Variants in OLFM2 observed in about 807,000 individuals in gnomAD.
OLFM2 encodes the protein noelin-2.
In OLFM2, 20 loss-of-function variants were observed where a neutral mutation model predicts 43.9. The observed-to-expected ratio is 0.46, with a 90% confidence interval of 0.32 to 0.66. The LOEUF is 0.66. Among genes scored for constraint, OLFM2 ranks in the 30% least tolerant of loss-of-function variants. The pLI is 0.04. For synonymous variants in OLFM2, 268 were observed against 278.6 expected (o/e 0.96, Z 0.38); for missense variants, 416 against 643.6 (o/e 0.65, Z 3.83).
intron 1 of OLFM2, among the ~76,000 whole-genome samples, chr19:9,913,987 A>T: frequency 9.1e-6 from 1 of 109,516 alleles, no homozygotes; most frequent in Admixed American, 9.9e-5. Context: ...CCCGCCGAGG[A>T]CCTCTCCATG....
At chr19:9,931,215 T>C (rs1009450661) in intron 1 of OLFM2, among the ~76,000 whole-genome samples, 10 of 152,138 alleles carry the variant, frequency 6.6e-5, no homozygotes, top group Non-Finnish European at 1.5e-4. Flanking sequence ...GCCCTATCGG[T>C]GGAATGTCAG....
chr19:9,921,440 G>A (rs2086419185), intron 1 of OLFM2, among the ~76,000 whole-genome samples: 1 of 151,606 alleles, frequency 6.6e-6, no homozygotes. Flanking sequence ...TTTAAAATAG[G>A]ACACTAATAA....
At chr19:9,910,793 G>A (rs1433939479) in intron 1 of OLFM2, among the ~76,000 whole-genome samples, 2 of 152,116 alleles carry the variant, frequency 1.3e-5, no homozygotes, top group Non-Finnish European at 2.9e-5. Flanking sequence ...AAAGAGATGG[G>A]TGGAAGGATA....
At chr19:9,866,322 AAAGTC>A (rs763699746) in intron 1 of OLFM2, among the ~76,000 whole-genome samples, 6 of 152,122 alleles carry the variant, frequency 3.9e-5, no homozygotes, top group Non-Finnish European at 2.9e-5. Flanking sequence ...GCTTGGAAAC[AAAGTC>A]AAGAGTTCTT....
At chr19:9,876,767 T>C (rs527470883) in intron 1 of OLFM2, among the ~76,000 whole-genome samples, 1 of 152,298 alleles carries the variant, frequency 6.6e-6, no homozygotes, top group African/African-American at 2.4e-5. Context: ...TAGCTAAGAA[T>C]AGTACTGATG....
intron 1 of OLFM2, among the ~76,000 whole-genome samples, chr19:9,890,354 T>C (rs2046627922): frequency 6.6e-6 from 1 of 151,860 alleles, no homozygotes. Flanking sequence ...TATCTGAAGC[T>C]AAGGGAAGAC....
intron 1 of OLFM2, chr19:9,913,396 G>A: frequency 2.5e-6 from 2 of 785,810 alleles, no homozygotes; most frequent in Non-Finnish European, 3.2e-6. Flanking sequence ...GGGGACAGGT[G>A]GGGGCCCCGG....
intron 1 of OLFM2, among the ~76,000 whole-genome samples, chr19:9,886,664 C>G (rs562920941): frequency 6.6e-6 from 1 of 152,260 alleles, no homozygotes; most frequent in South Asian, 2.1e-4. Flanking sequence ...ATGTGCAGCC[C>G]CTGTCATGCT....
chr19:9,936,173 A>T (rs919715185), intron 1 of OLFM2, 131 bp downstream of exon 1: 1 of 763,504 alleles, frequency 1.3e-6, no homozygotes, highest in Non-Finnish European at 1.8e-6. Flanking sequence ...CCCCGCTGCG[A>T]CCCCCGCCCC....
Position 9,856,771 on chromosome 19 carries a change from C to T in OLFM2, c.687+36G>A. ...GGGCAGTCAAAGGCTCTGTCCCTCC[C>T]AGGCCCTGACCCCAGGGGTGGGCGC... On this transcript the variant is annotated intron_variant, in intron 5 of 5. Transcript: ENST00000264833. The surrounding 1 kb of genome is among the most constrained non-coding windows in gnomAD (Gnocchi z 4.0). 1 of 1,556,694 alleles carries T rather than the reference C, an allele frequency of 6.4e-7. No homozygotes were observed. The highest frequency in any genetic ancestry group is 8.8e-7 in the Non-Finnish European group (1 of 1,134,342).
At chr19:9,865,441 A>ATG (rs2046393332) in intron 1 of OLFM2, among the ~76,000 whole-genome samples, 1 of 143,214 alleles carries the variant, frequency 7.0e-6, no homozygotes, top group African/African-American at 2.6e-5. Context: ...CTCCCAAAGC[A>ATG]CTGGGATTAC....
At chr19:9,933,080 G>C (rs1386840320) in intron 1 of OLFM2, among the ~76,000 whole-genome samples, 1 of 151,918 alleles carries the variant, frequency 6.6e-6, no homozygotes, top group Non-Finnish European at 1.5e-5. Context: ...CTTACCCCAG[G>C]GCCTTTGCAC....
intron 1 of OLFM2, 54 bp downstream of exon 1, chr19:9,936,250 C>T (rs1380643292): frequency 1.3e-5 from 19 of 1,514,576 alleles, no homozygotes; most frequent in African/African-American, 9.7e-5. Context: ...ACCCTCCGCG[C>T]CCCCCTCCTC....
At chr19:9,908,367 C>T (rs1359859924) in intron 1 of OLFM2, among the ~76,000 whole-genome samples, 2 of 150,536 alleles carry the variant, frequency 1.3e-5, no homozygotes, top group African/African-American at 4.9e-5. Flanking sequence ...AGTGCAATGG[C>T]GCGATCTCGG....
chr19:9,936,227 C>T, intron 1 of OLFM2, 77 bp downstream of exon 1: 1 of 1,470,746 alleles, frequency 6.8e-7, no homozygotes, highest in Admixed American at 2.0e-5. Flanking sequence ...CTCCCAACCC[C>T]GTTTCTCCGG....
At chr19:9,930,862 C>A (rs1367514742) in intron 1 of OLFM2, among the ~76,000 whole-genome samples, 1 of 151,890 alleles carries the variant, frequency 6.6e-6, no homozygotes, top group Non-Finnish European at 1.5e-5. Flanking sequence ...CAAATATCAT[C>A]ATCATCATCA....
chr19:9,900,485 C>T (rs76523666), intron 1 of OLFM2, among the ~76,000 whole-genome samples: 2,480 of 152,046 alleles, frequency 0.016, 44 homozygotes, highest in South Asian at 0.052. Flanking sequence ...AATCATGATT[C>T]GACTCAATAA....
chr19:9,902,421 C>T (rs1251715138), intron 1 of OLFM2, among the ~76,000 whole-genome samples: 5 of 143,884 alleles, frequency 3.5e-5, no homozygotes, highest in African/African-American at 7.8e-5. Flanking sequence ...CTCACTCAGT[C>T]GCCCAGGCTG....
At chr19:9,862,639 C>G (rs2046372550) in intron 1 of OLFM2, among the ~76,000 whole-genome samples, 1 of 151,620 alleles carries the variant, frequency 6.6e-6, no homozygotes, top group Non-Finnish European at 1.5e-5. Context: ...TATGGCTGTG[C>G]CACTGCACTC....
Sources: gnomAD v4.1 joint callset for allele counts (sites outside exome capture counted in the v4.1 genomes callset) on GRCh38, gnomAD v4.1.1 for gene constraint, Gnocchi (gnomAD v3.1) non-coding constraint, MANE v1.5 for transcripts, NCBI Gene and HGNC (gene_info 2026-07-23, HGNC 2026-07-21) for gene names.